NLRP1: variants seen among roughly 807,000 people sequenced by gnomAD.
NLRP1 encodes NACHT, LRR and PYD domains-containing protein 1.
Under a neutral mutation model 136.7 loss-of-function variants are expected in NLRP1, and 94 were observed. The ratio of observed to expected loss-of-function variants is 0.69; its 90% CI spans 0.58 to 0.82. The LOEUF is 0.82. NLRP1 is among the 40% of genes least tolerant of loss of function. The probability of loss-of-function intolerance (pLI) is 0.00; values close to 1 mark genes in which losing one functional copy is unlikely to be tolerated. For missense variants in NLRP1, 1,575 were observed against 1,802.7 expected (o/e 0.87, Z 2.29); for synonymous variants, 690 against 725.1 (o/e 0.95, Z 0.78).
chr17:5,529,886 T>C, intron 12 of NLRP1: 1 of 428,896 alleles, frequency 2.3e-6, no homozygotes, highest in Non-Finnish European at 4.7e-6. Flanking sequence ...TCTGGTGCCT[T>C]GTTTCCCCTT....
At chr17:5,579,320 G>C (rs1430390880) in intron 3 of NLRP1, among the ~76,000 whole-genome samples, 1 of 150,968 alleles carries the variant, frequency 6.6e-6, no homozygotes, top group Non-Finnish European at 1.5e-5. Flanking sequence ...ATCAGTTGAA[G>C]GCCAGAATAG....
chr17:5,526,716 G>C (rs1909594638), intron 12 of NLRP1, among the ~76,000 whole-genome samples: 1 of 152,142 alleles, frequency 6.6e-6, no homozygotes, highest in Non-Finnish European at 1.5e-5. Flanking sequence ...CTTGGTGCTT[G>C]GTTTCATGTT....
intron 3 of NLRP1, among the ~76,000 whole-genome samples, chr17:5,571,578 A>G (rs1904357014): frequency 6.6e-6 from 1 of 152,234 alleles, no homozygotes; most frequent in Admixed American, 6.5e-5. Context: ...ACTACAAAAC[A>G]CTGCTGAAAG....
chr17:5,515,037 T>G lies in NLRP1; in HGVS notation c.4139A>C (p.His1380Pro), dbSNP rs1228653997. The G allele has an allele frequency of 9.3e-6, 15 of 1,614,068 alleles. No homozygotes were observed. The change falls in exon 17 of 17, where the codon CAC becomes CCC. Residue 1380 changes from histidine to proline, a missense_variant. By Grantham distance (77) the His-to-Pro change is moderately conservative (BLOSUM62 -2). Transcript: ENST00000572272. The part of the protein sequence containing the change: ...PSPLDAPQLL[H>P]FVDQYREQLI... ...CTGCTCTCGATACTGGTCCACAAAG[T>G]GCAGCAACTGCGGGGCATCCAGAGG...
Position 5,539,483 on chromosome 17 carries a change from C to T in NLRP1, c.2802G>A (p.Leu934=), listed in dbSNP as rs376494107. ...AGAGCAGTCGCACGCCAACGTCATC[C>T]AGGTTGTTCTGCTGCAGGTCTAGCT... is the stretch of plus-strand genomic sequence containing the variant. The part of the protein sequence containing the change: ...LKELDLQQNN[L]DDVGVRLLCE... The change falls in exon 7 of 17, where the codon CTG becomes CTA. Residue 934 remains leucine (L), a synonymous_variant. Coordinates refer to ENST00000572272, the MANE Select transcript of NLRP1 (RefSeq NM_033004.4). 18 of 1,614,058 alleles carry T rather than the reference C, an allele frequency of 1.1e-5. No individual in the cohort carries two copies. The highest frequency in any genetic ancestry group is 1.5e-5 in the Non-Finnish European group (18 of 1,180,032).
intron 15 of NLRP1, among the ~76,000 whole-genome samples, chr17:5,507,982 A>C (rs527478419): frequency 2.6e-4 from 39 of 151,030 alleles, no homozygotes; most frequent in African/African-American, 9.5e-4. Flanking sequence ...AAAAATACAA[A>C]AATTAGCCAG....
chr17:5,517,898 A>G lies in NLRP1; in HGVS notation c.3916-11T>C, dbSNP rs766791576. 2.5e-6 allele frequency: 4 copies of G among 1,613,702 alleles called. No individual in the cohort carries two copies. The South Asian group carries it at 3.3e-5, about 13-fold the overall frequency. On this transcript the variant is annotated splice_polypyrimidine_tract_variant and intron_variant, in intron 14 of 16. Coordinates refer to ENST00000572272, the MANE Select transcript of NLRP1 (RefSeq NM_033004.4). The stretch of plus-strand genomic sequence containing the variant: ...GCAGAGCTCCAGTTCCTGAAGAGGC[A>G]AAGAGTTGAGTTGCCACCCTGTTCA...
At chr17:5,578,811 C>T (rs990619563) in intron 3 of NLRP1, among the ~76,000 whole-genome samples, 4 of 152,168 alleles carry the variant, frequency 2.6e-5, no homozygotes, top group Admixed American at 6.5e-5. Flanking sequence ...CACATGCACA[C>T]GTATGTTTAT....
rs369423702 is a variant in NLRP1 at position 5,517,621 on chromosome 17, T to G, written c.4057+125A>C. 51 of 1,080,238 alleles carry G rather than the reference T, an allele frequency of 4.7e-5. No homozygotes were observed. The East Asian group carries it at 9.7e-4, about 21-fold the overall frequency. 66.9% of individuals were successfully genotyped at this position (1,080,238 alleles called of 1,614,324 possible). A position where few individuals can be genotyped will look rare whatever the true frequency, so the allele number is the denominator to read the frequency against. Reference sequence around the variant, plus strand: ...CAGGCTGGTCTTGAACTCCTGACCTTGTGATCTGCCTGCCTCGGCCTCCCA... The same window carrying G: ...CAGGCTGGTCTTGAACTCCTGACCTGGTGATCTGCCTGCCTCGGCCTCCCA... On this transcript the variant is annotated intron_variant, in intron 15 of 16. Transcript: ENST00000572272.
In NLRP1 at chr17:5,583,696, C is replaced by T. The variant is rs562032379; in HGVS notation, c.262G>A (p.Glu88Lys). The T allele has an allele frequency of 1.3e-5, 20 of 1,553,902 alleles. No individual in the cohort carries two copies. In the South Asian group the frequency reaches 2.3e-4, roughly 18 times the overall value. ...TCCTCTGTCCACTCACCTGCCCCTT[C>T]CTGGGCTTGGGCGCACAGTGACCTC... Reference protein sequence around the residue: ...GLRSLCAQAQEGAGHSPSFPY... With the variant: ...GLRSLCAQAQKGAGHSPSFPY... The change falls in exon 1 of 17, where the codon GAA becomes AAA. Residue 88 changes from glutamate (E) to lysine (K), a missense_variant. Transcript: ENST00000572272. This position sits in a 1 kb window ranked among gnomAD's most constrained non-coding sequence, Gnocchi z 4.5.
intron 14 of NLRP1, 22 bp from the exon 15 acceptor site, chr17:5,517,909 T>G (rs551457068): frequency 1.9e-6 from 3 of 1,613,172 alleles, no homozygotes; most frequent in African/African-American, 2.7e-5. Context: ...AAGAGTTGAG[T>G]TGCCACCCTG....
At chr17:5,534,083 C>T (rs1247047698) in intron 8 of NLRP1, 95 bp from the exon 9 acceptor site, 23 of 866,852 alleles carry the variant, frequency 2.7e-5, no homozygotes, top group Non-Finnish European at 3.6e-5. Context: ...CTCCTCGGGT[C>T]GGGTGCAGTG....
At chr17:5,565,711 G>T (rs1261796511) in intron 3 of NLRP1, among the ~76,000 whole-genome samples, 1 of 152,184 alleles carries the variant, frequency 6.6e-6, no homozygotes, top group Non-Finnish European at 1.5e-5. Flanking sequence ...TGTGGTAATA[G>T]TCCTTCCTCC....
Position 5,561,631 on chromosome 17 carries a change from G to C in NLRP1, c.653-1588C>G, listed in dbSNP as rs1914767557. ...GCTAATTTTTTGTATTTTTAGTAGA[G>C]ACGGGGTTTCACCTTGTTAGCCAGG... On this transcript the variant is annotated intron_variant, in intron 3 of 16. Coordinates refer to ENST00000572272, the MANE Select transcript of NLRP1 (RefSeq NM_033004.4). Among the ~76,000 whole-genome samples, 2 of 64,952 alleles carry C rather than the reference G, an allele frequency of 3.1e-5. 1 individual carries two copies. Among genetic ancestry groups the C allele is most frequent in the South Asian group, 9.6e-4 (2 of 2,074 alleles). The allele number at this position is 64,952 out of a possible 152,430, so 42.6% of individuals were successfully genotyped here.
downstream of NLRP1, chr17:5,512,456 T>C (rs1382015176): frequency 1.3e-6 from 1 of 749,966 alleles, no homozygotes; most frequent in Admixed American, 2.0e-5. Flanking sequence ...CCAGGTTTTC[T>C]ACAATGGAAA....
At chr17:5,501,744 C>G in exon 16 of NLRP1, 1 of 1,294,154 alleles carries the variant, frequency 7.7e-7, no homozygotes, top group Non-Finnish European at 1.1e-6. Flanking sequence ...CACCTGCGGT[C>G]TACTCAGGCC....
In NLRP1 at chr17:5,532,950, G is replaced by C; in HGVS notation, c.3168C>G (p.Leu1056=). Residue 1056 remains leucine, a synonymous_variant, in exon 11 of 17, where the codon CTC becomes CTG. Coordinates refer to ENST00000572272, the MANE Select transcript of NLRP1 (RefSeq NM_033004.4). The part of the protein sequence containing the change: ...ESSPEVVPVE[L]LCVPSPASQG... ...GAGAGGCAGGAGAAGGCACGCACAA[G>C]AGTTCCACCGGTACTACCTCTGGGG... The C allele has an allele frequency of 6.2e-7, 1 of 1,613,952 alleles. No homozygotes were observed.
At chr17:5,533,205 C>A in intron 10 of NLRP1, 99 bp downstream of exon 10, 2 of 1,529,674 alleles carry the variant, frequency 1.3e-6, no homozygotes, top group African/African-American at 1.4e-5. Flanking sequence ...CCCTTCCCCA[C>A]TGGAATAGAA....
chr17:5,570,790 C>G (rs1915788449), intron 3 of NLRP1, among the ~76,000 whole-genome samples: 1 of 151,994 alleles, frequency 6.6e-6, no homozygotes, highest in African/African-American at 2.4e-5. Flanking sequence ...ATACCGAAAC[C>G]TGGCAGAGAC....
Sources: allele counts gnomAD v4.1 joint callset (sites outside exome capture counted in the v4.1 genomes callset), GRCh38; gene constraint gnomAD v4.1.1; non-coding constraint Gnocchi (gnomAD v3.1); transcripts MANE v1.5; gene names NCBI Gene and HGNC (gene_info 2026-07-23, HGNC 2026-07-21).